RALGPS2: variants seen among roughly 807,000 people sequenced by gnomAD.
RALGPS2 encodes ras-specific guanine nucleotide-releasing factor RalGPS2.
RALGPS2 carries 43 observed loss-of-function variants against 86.8 expected under a neutral mutation model. The observed-to-expected ratio is 0.50, with a 90% CI of 0.39 to 0.64. The LOEUF is 0.64. Ranked by LOEUF, RALGPS2 falls within the 30% of genes least tolerant of loss-of-function variation. The probability of loss-of-function intolerance (pLI) is 0.00; values close to 1 mark genes in which losing one functional copy is unlikely to be tolerated. For synonymous variants in RALGPS2, 243 were observed against 231.3 expected, an observed-to-expected ratio of 1.05 and a Z score of -0.46; for missense variants, 536 against 694.6, an observed-to-expected ratio of 0.77 and a Z score of 2.57.
intron 1 of RALGPS2, among the ~76,000 whole-genome samples, chr1:178,727,581 G>T (rs973291999): frequency 6.6e-6 from 1 of 152,138 alleles, no homozygotes; most frequent in African/African-American, 2.4e-5. Flanking sequence ...TGAAAAACTG[G>T]CTTTGTGAGT....
At position 178,912,838 on chromosome 1, in the gene RALGPS2, T is replaced by G. The variant is rs1660674826; in HGVS notation, c.1723-3492T>G. ...CAGTGAGTCATAGGTTTAGTCTCTT[T>G]ACATAATCCCATATTTATCAAAGGT... On this transcript the variant is annotated intron_variant, in intron 19 of 19. Coordinates refer to ENST00000367635, the MANE Select transcript of RALGPS2 (RefSeq NM_152663.5). Among the ~76,000 whole-genome samples the G allele has an allele frequency of 2.6e-5, 4 of 152,242 alleles. 1 individual carries two copies. The highest frequency in any genetic ancestry group is 5.9e-5 in the Non-Finnish European group (4 of 68,042).
chr1:178,868,457 A>C (rs555194228), intron 8 of RALGPS2, among the ~76,000 whole-genome samples: 1 of 152,030 alleles, frequency 6.6e-6, no homozygotes, highest in Non-Finnish European at 1.5e-5. Context: ...ACTATGAAAT[A>C]AACTACCAAA....
intron 7 of RALGPS2, among the ~76,000 whole-genome samples, chr1:178,830,233 AGATT>A (rs1456093528): frequency 3.3e-5 from 5 of 152,180 alleles, no homozygotes; most frequent in African/African-American, 1.2e-4. Context: ...TGCTGGTGGA[AGATT>A]GATTGTAAAA....
chr1:178,770,154 C>T lies in RALGPS2; in HGVS notation c.-83-6528C>T, dbSNP rs145564882. ...GCTTCAGTGTCCTAAGTAGCTGGGA[C>T]TACAGGTGCACACCACCATGCCTGG... On this transcript the variant is annotated intron_variant, in intron 1 of 19. Coordinates refer to ENST00000367635, the MANE Select transcript of RALGPS2 (RefSeq NM_152663.5). Among the ~76,000 whole-genome samples the T allele has an allele frequency of 2.5e-3, 383 of 151,900 alleles. 2 individuals are homozygous for T. The highest frequency in any genetic ancestry group is 8.8e-3 in the African/African-American group (366 of 41,434).
chr1:178,806,868 G>GT (rs1204409129), intron 4 of RALGPS2, among the ~76,000 whole-genome samples: 1 of 151,986 alleles, frequency 6.6e-6, no homozygotes, highest in Non-Finnish European at 1.5e-5. Context: ...TTGTTAACCT[G>GT]TTTCGGACCT....
chr1:178,731,709 A>G (rs1032766486), intron 1 of RALGPS2, among the ~76,000 whole-genome samples: 3 of 151,982 alleles, frequency 2.0e-5, no homozygotes, highest in Admixed American at 1.3e-4. Context: ...TATTTTATGT[A>G]TCTTGTATTG....
intron 8 of RALGPS2, chr1:178,851,080 G>T: frequency 1.3e-6 from 2 of 1,502,948 alleles, no homozygotes; most frequent in Non-Finnish European, 1.8e-6. Context: ...ATTTTTAAGA[G>T]CTGAAAAGTA....
intron 1 of RALGPS2, among the ~76,000 whole-genome samples, chr1:178,758,282 A>G (rs549097506): frequency 6.6e-6 from 1 of 152,172 alleles, no homozygotes; most frequent in East Asian, 1.9e-4. Context: ...GGTATATAGT[A>G]GGTGTATGTA....
chr1:178,795,979 C>G (rs1654169154), intron 4 of RALGPS2, among the ~76,000 whole-genome samples: 1 of 152,116 alleles, frequency 6.6e-6, no homozygotes, highest in South Asian at 2.1e-4. Context: ...TGAAATTGTT[C>G]TGCTATACAG....
intron 11 of RALGPS2, among the ~76,000 whole-genome samples, chr1:178,884,219 T>G (rs1659381237): frequency 6.6e-6 from 1 of 152,212 alleles, no homozygotes; most frequent in African/African-American, 2.4e-5. Context: ...TCAATTTTAG[T>G]GACGTAATTT....
intron 4 of RALGPS2, among the ~76,000 whole-genome samples, chr1:178,796,525 T>A (rs1654197937): frequency 1.3e-5 from 2 of 152,182 alleles, no homozygotes; most frequent in African/African-American, 4.8e-5. Context: ...TCTCCCTGCT[T>A]CCAGTCATTT....
intron 8 of RALGPS2, among the ~76,000 whole-genome samples, chr1:178,843,664 A>AAAAG (rs369401188): frequency 6.6e-6 from 1 of 151,914 alleles, no homozygotes; most frequent in Admixed American, 6.5e-5. Flanking sequence ...TAAAAAAAAA[A>AAAAG]AAAGAAAGAA....
chr1:178,830,773 C>T (rs1655976199), intron 7 of RALGPS2, among the ~76,000 whole-genome samples: 1 of 152,018 alleles, frequency 6.6e-6, no homozygotes, highest in Admixed American at 6.6e-5. Flanking sequence ...GTAAGAATTT[C>T]TGTTCATCAA....
chr1:178,792,894 C>T (rs1173413925), intron 4 of RALGPS2, among the ~76,000 whole-genome samples: 2 of 152,106 alleles, frequency 1.3e-5, no homozygotes, highest in Non-Finnish European at 2.9e-5. Context: ...TATTAATATA[C>T]CCTTGCAACT....
intron 7 of RALGPS2, among the ~76,000 whole-genome samples, chr1:178,827,818 C>G (rs1015551892): frequency 6.6e-6 from 1 of 152,148 alleles, no homozygotes; most frequent in African/African-American, 2.4e-5. Flanking sequence ...CACACATTTA[C>G]AGTCAATTGA....
At chr1:178,781,726 G>T (rs1303541327) in intron 2 of RALGPS2, among the ~76,000 whole-genome samples, 1 of 152,200 alleles carries the variant, frequency 6.6e-6, no homozygotes. Flanking sequence ...TGATTCATGT[G>T]TTCACCTGAC....
intron 1 of RALGPS2, among the ~76,000 whole-genome samples, chr1:178,764,884 G>A (rs956824835): frequency 7.9e-5 from 12 of 152,060 alleles, no homozygotes; most frequent in African/African-American, 2.7e-4. Context: ...GGATCATGGG[G>A]GTGGTTTCTA....
At chr1:178,832,056 A>G (rs776082701) in intron 7 of RALGPS2, among the ~76,000 whole-genome samples, 6 of 152,196 alleles carry the variant, frequency 3.9e-5, no homozygotes, top group African/African-American at 7.2e-5. Context: ...CATTATCCCT[A>G]TGTCACATAA....
intron 19 of RALGPS2, among the ~76,000 whole-genome samples, chr1:178,914,488 G>A (rs1380006132): frequency 6.6e-6 from 1 of 152,094 alleles, no homozygotes; most frequent in Non-Finnish European, 1.5e-5. Flanking sequence ...TAGCTTCTTC[G>A]CTCTTCAACC....
Sources: gnomAD v4.1 joint callset for allele counts (sites outside exome capture counted in the v4.1 genomes callset) on GRCh38, gnomAD v4.1.1 for gene constraint, MANE v1.5 for transcripts, NCBI Gene and HGNC (gene_info 2026-07-23, HGNC 2026-07-21) for gene names.